Variants in ZNF578 observed in about 807,000 individuals in gnomAD.
The protein encoded by ZNF578 is Putative chemokine-related protein B42.
Under a neutral mutation model 8.3 loss-of-function variants are expected in ZNF578, and 8 were observed. The observed-to-expected ratio is 0.96, with a 90% confidence interval of 0.56 to 1.74. The LOEUF (loss-of-function observed/expected upper bound fraction) is 1.74. Among genes scored for constraint, ZNF578 ranks in the 40% most tolerant of loss-of-function variants. The pLI is 0.00. For synonymous variants in ZNF578, 206 were observed against 232.2 expected (o/e 0.89, Z 1.03); for missense variants, 726 against 707.5 (o/e 1.03, Z -0.30).
At chr19:52,510,239 T>C (rs1422444616) in intron 5 of ZNF578, among the ~76,000 whole-genome samples, 1 of 152,154 alleles carries the variant, frequency 6.6e-6, no homozygotes, top group Non-Finnish European at 1.5e-5. Context: ...TATATTTTTC[T>C]CTTCCTTGAT....
chr19:52,513,337 CTTTTTTTTTTTTT>C lies in ZNF578; in HGVS notation c.*1195_*1207del, dbSNP rs11318311. Among the ~76,000 whole-genome samples the C allele has an allele frequency of 9.9e-6, 1 of 101,342 alleles. No individual in the cohort carries two copies. The highest frequency in any genetic ancestry group is 2.0e-5 in the Non-Finnish European group (1 of 51,050). 66.5% of individuals were successfully genotyped at this position (101,342 alleles called of 152,430 possible). A position where few individuals can be genotyped will look rare whatever the true frequency, so the allele number is the denominator to read the frequency against. ...GCGCCTGGCATTGTTTCTTCTTTTC[CTTTTTTTTTTTTT>C]TTTTTTTTTTTGAGATAGTACTTTT... On this transcript the variant is annotated 3_prime_UTR_variant, in exon 6 of 6. Coordinates refer to ENST00000421239, the MANE Select transcript of ZNF578 (RefSeq NM_001099694.2).
chr19:52,471,081 C>G (rs1322923863), intron 2 of ZNF578, among the ~76,000 whole-genome samples: 2 of 151,990 alleles, frequency 1.3e-5, no homozygotes, highest in South Asian at 2.1e-4. Flanking sequence ...CTTACTTCAC[C>G]TTCCTTCATG....
At chr19:52,469,588 T>C (rs2059285961) in intron 2 of ZNF578, among the ~76,000 whole-genome samples, 1 of 152,166 alleles carries the variant, frequency 6.6e-6, no homozygotes, top group Non-Finnish European at 1.5e-5. Flanking sequence ...ACACTGATAG[T>C]CCTTGGTATG....
In ZNF578 at chr19:52,515,583, C is replaced by T. The variant is rs1265468642; in HGVS notation, c.*3429C>T. ...CCTTCTCACTCATCTCAGACCTTCT[C>T]AGGGTAACTTGGTGAAAATGTCTTC... is the stretch of plus-strand genomic sequence containing the variant. On this transcript the variant is annotated 3_prime_UTR_variant, in exon 6 of 6. Coordinates refer to ENST00000421239, the MANE Select transcript of ZNF578 (RefSeq NM_001099694.2). 1.3e-5 allele frequency among the ~76,000 whole-genome samples: 2 copies of T among 152,154 alleles called. No individual in the cohort carries two copies.
At position 52,512,115 on chromosome 19, in the gene ZNF578, C is replaced by A. The variant is rs757432119; in HGVS notation, c.1734C>A (p.His578Gln). Residue 578 changes from histidine to glutamine, a missense_variant, in exon 6 of 6, where the codon CAC becomes CAA. Coordinates refer to ENST00000421239, the MANE Select transcript of ZNF578 (RefSeq NM_001099694.2). The stretch of plus-strand genomic sequence containing the variant: ...ATGAGTGTGGTAAGGCTCACAATCA[C>A]TTGATTGATTCATCAATCAAGCCTT... ...KCNECGKAHN[H>Q]LIDSSIKPCM... 2.4e-5 allele frequency: 38 copies of A among 1,609,166 alleles called. No homozygotes were observed. The highest frequency in any genetic ancestry group is 3.0e-5 in the Non-Finnish European group (35 of 1,177,544).
At chr19:52,471,362 C>T (rs2059291220) in intron 2 of ZNF578, among the ~76,000 whole-genome samples, 1 of 152,216 alleles carries the variant, frequency 6.6e-6, no homozygotes. Context: ...CTTAACTTTA[C>T]AATTGTATGA....
intron 1 of ZNF578, chr19:52,455,847 G>C (rs1251622669): frequency 2.6e-5 from 4 of 152,326 alleles, no homozygotes; most frequent in Admixed American, 6.5e-5. Context: ...AAATGGGTGA[G>C]GAACTAGCAT....
intron 3 of ZNF578, among the ~76,000 whole-genome samples, chr19:52,498,585 A>C (rs1006623475): frequency 6.6e-6 from 1 of 151,482 alleles, no homozygotes; most frequent in African/African-American, 2.4e-5. Flanking sequence ...TGATGTCACC[A>C]TATTGGCCAG....
intron 5 of ZNF578, among the ~76,000 whole-genome samples, chr19:52,508,269 C>T (rs1368297591): frequency 2.6e-5 from 4 of 151,002 alleles, no homozygotes; most frequent in African/African-American, 7.3e-5. Context: ...CACTTGAACC[C>T]GGGAGGCAAA....
chr19:52,462,570 A>G (rs1408510802), intron 2 of ZNF578, among the ~76,000 whole-genome samples: 5 of 152,228 alleles, frequency 3.3e-5, no homozygotes, highest in African/African-American at 4.8e-5. Context: ...TACCGCAATC[A>G]TAGCCACGAT....
chr19:52,465,971 A>G (rs971713630), intron 2 of ZNF578, among the ~76,000 whole-genome samples: 5 of 152,312 alleles, frequency 3.3e-5, no homozygotes, highest in Middle Eastern at 3.4e-3. Context: ...TCAAAGTCCA[A>G]TGGTGACAAA....
chr19:52,471,826 G>T (rs1388898690), intron 2 of ZNF578, among the ~76,000 whole-genome samples: 1 of 152,108 alleles, frequency 6.6e-6, no homozygotes, highest in Non-Finnish European at 1.5e-5. Context: ...CAAAAAAAAG[G>T]TATGAAGGTG....
rs544553235 is a variant in ZNF578 at position 52,505,019 on chromosome 19, C to T, written c.190+238C>T. On this transcript the variant is annotated intron_variant, in intron 5 of 5. Transcript: ENST00000421239. ...TCTCCTGCCTCAGCCTCCCGAGGGGCTGGGATTATAGGCATGCGCCACCAC... is the reference window on the plus strand; with the variant it reads ...TCTCCTGCCTCAGCCTCCCGAGGGGTTGGGATTATAGGCATGCGCCACCAC... Among the ~76,000 whole-genome samples, 325 of 152,258 alleles carry T rather than the reference C, an allele frequency of 2.1e-3. 5 individuals are homozygous for T. The highest frequency in any genetic ancestry group is 7.1e-3 in the African/African-American group (293 of 41,548).
intron 2 of ZNF578, among the ~76,000 whole-genome samples, chr19:52,482,563 G>C (rs950491755): frequency 1.3e-5 from 2 of 151,630 alleles, no homozygotes; most frequent in African/African-American, 4.8e-5. Context: ...GCTTGAACCT[G>C]GGAGGCACAG....
chr19:52,484,413 A>C (rs2059337716), intron 2 of ZNF578, among the ~76,000 whole-genome samples: 1 of 152,232 alleles, frequency 6.6e-6, no homozygotes, highest in South Asian at 2.1e-4. Context: ...GTGTCGGGCT[A>C]GGGGATGGTC....
intron 2 of ZNF578, among the ~76,000 whole-genome samples, chr19:52,476,107 T>TAA (rs35835289): frequency 0.066 from 9,179 of 138,428 alleles, 506 homozygotes; most frequent in East Asian, 0.34. Context: ...AAGGGTATAG[T>TAA]AAAAAAAAAA....
intron 5 of ZNF578, among the ~76,000 whole-genome samples, chr19:52,506,276 C>T (rs1228414714): frequency 1.3e-5 from 2 of 151,900 alleles, no homozygotes; most frequent in Middle Eastern, 3.4e-3. Flanking sequence ...ATTTATCTGT[C>T]GATGGATATC....
intron 2 of ZNF578, among the ~76,000 whole-genome samples, chr19:52,465,817 T>C (rs2059273141): frequency 6.6e-6 from 1 of 152,232 alleles, no homozygotes; most frequent in Non-Finnish European, 1.5e-5. Flanking sequence ...CCTGCAGAGC[T>C]TAAAAACTTT....
chr19:52,502,338 A>G (rs1457757686), intron 4 of ZNF578, among the ~76,000 whole-genome samples: 1 of 152,210 alleles, frequency 6.6e-6, no homozygotes, highest in East Asian at 1.9e-4. Context: ...CTGGGAAAGG[A>G]GACGAATAAG....
Sources: gnomAD v4.1 joint callset for allele counts (sites outside exome capture counted in the v4.1 genomes callset) on GRCh38, gnomAD v4.1.1 for gene constraint, MANE v1.5 for transcripts, NCBI Gene and HGNC (gene_info 2026-07-23, HGNC 2026-07-21) for gene names.